The following NAA16 variants were observed in gnomAD, a reference collection of about 807,000 sequenced individuals.
NAA16 encodes NARG1-like protein.
NAA16 carries 97 observed loss-of-function variants against 110.3 expected under a neutral mutation model. The ratio of observed to expected loss-of-function variants is 0.88; its 90% CI spans 0.75 to 1.04. The LOEUF (loss-of-function observed/expected upper bound fraction) is 1.04. Among genes scored for constraint, NAA16 ranks in the 50% least tolerant of loss-of-function variants. The probability of loss-of-function intolerance (pLI) is 0.00; values close to 1 mark genes in which losing one functional copy is unlikely to be tolerated. For synonymous variants in NAA16, 372 were observed against 330.6 expected (o/e 1.13, Z -1.36); for missense variants, 1,017 against 1,005.1 (o/e 1.01, Z -0.16).
chr13:41,322,727 G>A (rs1302129164), intron 4 of NAA16, among the ~76,000 whole-genome samples: 4 of 151,722 alleles, frequency 2.6e-5, no homozygotes, highest in African/African-American at 2.4e-5. Context: ...GTAGCAAAAT[G>A]TAGTTTAATA....
chr13:41,367,274 C>CA (rs1026792544), intron 13 of NAA16, among the ~76,000 whole-genome samples, 165 bp from the exon 14 acceptor site: 16 of 151,538 alleles, frequency 1.1e-4, no homozygotes, highest in African/African-American at 3.2e-4. Context: ...AGTTGAATGC[C>CA]AAAAATAATT....
intron 7 of NAA16, 42 bp from the exon 8 acceptor site, chr13:41,331,232 A>G (rs777163501): frequency 6.7e-5 from 81 of 1,217,168 alleles, no homozygotes; most frequent in Middle Eastern, 5.9e-4. Context: ...CATAGATAAA[A>G]GTTTTGATGC....
chr13:41,347,393 C>T (rs1261798354), intron 9 of NAA16, among the ~76,000 whole-genome samples: 1 of 152,122 alleles, frequency 6.6e-6, no homozygotes, highest in Non-Finnish European at 1.5e-5. Flanking sequence ...TGCAAAGCAG[C>T]CATCTGGGAT....
intron 9 of NAA16, among the ~76,000 whole-genome samples, chr13:41,337,964 CAAAA>C (rs1238573965): frequency 3.3e-5 from 5 of 151,638 alleles, no homozygotes; most frequent in Admixed American, 6.6e-5. Flanking sequence ...TTAAAAAAAA[CAAAA>C]AAACCCAAAA....
chr13:41,358,548 T>G, intron 11 of NAA16, 75 bp downstream of exon 11: 9 of 1,570,366 alleles, frequency 5.7e-6, no homozygotes, highest in Non-Finnish European at 7.8e-6. Flanking sequence ...TTTTTCTTTG[T>G]GGAAACAAGT....
At chr13:41,358,711 G>A in intron 11 of NAA16, 99 bp from the exon 12 acceptor site, 1 of 1,461,998 alleles carries the variant, frequency 6.8e-7, no homozygotes, top group East Asian at 2.3e-5. Flanking sequence ...GACAGAAATG[G>A]TGACAGATTT....
chr13:41,347,164 C>T (rs907157026), intron 9 of NAA16, among the ~76,000 whole-genome samples: 16 of 144,408 alleles, frequency 1.1e-4, no homozygotes, highest in Non-Finnish European at 7.5e-5. Flanking sequence ...TGCAGTGAGC[C>T]GAGATTGAGC....
chr13:41,345,168 G>C (rs1040600599), intron 9 of NAA16, among the ~76,000 whole-genome samples: 3 of 152,118 alleles, frequency 2.0e-5, no homozygotes, highest in African/African-American at 7.2e-5. Flanking sequence ...ACAAGTTTTT[G>C]TGTAGACATG....
At chr13:41,335,774 T>G (rs2042363794) in intron 8 of NAA16, among the ~76,000 whole-genome samples, 1 of 152,122 alleles carries the variant, frequency 6.6e-6, no homozygotes, top group African/African-American at 2.4e-5. Flanking sequence ...TAGATTTTGT[T>G]GTGCAGTGTT....
chr13:41,342,940 AG>A (rs1381138218), intron 9 of NAA16, among the ~76,000 whole-genome samples: 3 of 152,188 alleles, frequency 2.0e-5, no homozygotes, highest in Non-Finnish European at 4.4e-5. Context: ...TTGGCACAAA[AG>A]TTTAGAAGTA....
At chr13:41,361,603 AT>A (rs1198426953) in intron 12 of NAA16, among the ~76,000 whole-genome samples, 1 of 152,192 alleles carries the variant, frequency 6.6e-6, no homozygotes, top group Non-Finnish European at 1.5e-5. Flanking sequence ...ATAAGACGTT[AT>A]GTATATGTGG....
At chr13:41,345,089 A>G (rs760664025) in intron 9 of NAA16, among the ~76,000 whole-genome samples, 1 of 152,210 alleles carries the variant, frequency 6.6e-6, no homozygotes, top group Non-Finnish European at 1.5e-5. Flanking sequence ...ATTCCATTTT[A>G]TGGATATACC....
rs185514197 is a variant in NAA16 at position 41,373,781 on chromosome 13, G to A, written c.2299+1G>A. 1.9e-6 allele frequency: 3 copies of A among 1,591,646 alleles called. No homozygotes were observed. The highest frequency in any genetic ancestry group is 2.2e-5 in the East Asian group (1 of 44,602). The stretch of plus-strand genomic sequence containing the variant: ...ACCTCTCTTCAGCATCTACTTTCAG[G>A]TTTGTTTGTAGCCCCCAGGGTTAAA... On this transcript the variant is annotated splice_donor_variant, in intron 18 of 19. Coordinates refer to ENST00000379406, the MANE Select transcript of NAA16 (RefSeq NM_024561.5). LOFTEE classifies it high-confidence loss of function.
intron 1 of NAA16, among the ~76,000 whole-genome samples, chr13:41,312,471 G>T (rs971281976): frequency 3.3e-5 from 5 of 152,012 alleles, no homozygotes; most frequent in African/African-American, 1.2e-4. Flanking sequence ...GCATTCCTTT[G>T]CTTTCCTCAG....
chr13:41,354,830 A>G (rs2042938057), intron 9 of NAA16, among the ~76,000 whole-genome samples: 2 of 151,054 alleles, frequency 1.3e-5, no homozygotes, highest in Admixed American at 6.6e-5. Flanking sequence ...TTTGCAATGC[A>G]TGACATTTTA....
rs779657255 is a variant in NAA16, at chr13:41,369,180, C to T, written c.1844C>T (p.Ala615Val). The change falls in exon 15 of 20, where the codon GCA becomes GTA. Residue 615 changes from alanine (A) to valine (V), a missense_variant. Ala to Val is a moderately conservative substitution (Grantham distance 64). Coordinates refer to ENST00000379406, the MANE Select transcript of NAA16 (RefSeq NM_024561.5). ...KAKLEEERKH[A>V]ERERQQKNQK... ...AAACTAGAAGAAGAAAGAAAGCATG[C>T]AGAAAGAGAACGTCAACAGAAAAAT... The T allele has an allele frequency of 6.3e-7, 1 of 1,586,724 alleles. No homozygotes were observed. Among genetic ancestry groups the T allele is most frequent in the South Asian group, 1.2e-5 (1 of 85,902 alleles).
intron 9 of NAA16, among the ~76,000 whole-genome samples, chr13:41,347,699 C>G (rs1295196686): frequency 6.6e-6 from 1 of 152,144 alleles, no homozygotes; most frequent in Admixed American, 6.5e-5. Flanking sequence ...ATTTTGTCTT[C>G]TGAAACCTTG....
At chr13:41,318,625 TTAAG>T (rs945771772) in intron 2 of NAA16, among the ~76,000 whole-genome samples, 177 bp from the exon 3 acceptor site, 30 of 152,246 alleles carry the variant, frequency 2.0e-4, no homozygotes, top group East Asian at 1.9e-4. Flanking sequence ...CTGCTAAGCT[TTAAG>T]TAAATATTTA....
chr13:41,334,929 A>G (rs1437713558), intron 8 of NAA16, among the ~76,000 whole-genome samples: 5 of 152,160 alleles, frequency 3.3e-5, no homozygotes, highest in Non-Finnish European at 7.4e-5. Flanking sequence ...TGCTTTTTGC[A>G]AAAGTGCAGT....
Sources: allele counts gnomAD v4.1 joint callset (sites outside exome capture counted in the v4.1 genomes callset), GRCh38; gene constraint gnomAD v4.1.1; transcripts MANE v1.5; gene names NCBI Gene and HGNC (gene_info 2026-07-23, HGNC 2026-07-21).